The following ARHGEF18 variants were observed in gnomAD, a reference collection of about 807,000 sequenced individuals.
ARHGEF18 encodes rho guanine nucleotide exchange factor 18.
A neutral mutation model predicts 155.7 loss-of-function variants in ARHGEF18; 93 were observed. That is an observed-to-expected ratio of 0.60 (90% CI 0.50 to 0.71). The LOEUF is 0.71. Among genes scored for constraint, ARHGEF18 ranks in the 30% least tolerant of loss-of-function variants. The pLI, the probability that ARHGEF18 is intolerant of heterozygous loss-of-function variation, is 0.00. For missense variants in ARHGEF18, 1,593 were observed against 1,816.1 expected, an observed-to-expected ratio of 0.88 and a Z score of 2.23; for synonymous variants, 742 against 753.1, an observed-to-expected ratio of 0.99 and a Z score of 0.24.
chr19:7,375,853 G>T lies in ARHGEF18; in HGVS notation c.409G>T (p.Ala137Ser). ...GTGTCTCTCTGGGGGCGGGACCCCC[G>T]CAGAGAGCCCAGGCAAGGTGGGTAT... ...QGCLSGGGTP[A>S]ESPGKECDSP... Residue 137 changes from alanine (A) to serine (S), a missense_variant, in exon 4 of 29, where the codon GCA becomes TCA. Transcript: ENST00000668164. The T allele has an allele frequency of 1.6e-6, 2 of 1,234,454 alleles. No individual in the cohort carries two copies. The highest frequency in any genetic ancestry group is 4.1e-4 in the Middle Eastern group (2 of 4,842). The allele number at this position is 1,234,454 out of a possible 1,614,324, so 76.5% of individuals were successfully genotyped here.
intron 12 of ARHGEF18, 30 bp from the exon 13 acceptor site, chr19:7,441,882 C>T (rs1368981575): frequency 1.9e-6 from 3 of 1,613,580 alleles, no homozygotes; most frequent in South Asian, 1.1e-5. Context: ...GCTCTGGGCC[C>T]CCAGCAGCCA....
intron 10 of ARHGEF18, among the ~76,000 whole-genome samples, chr19:7,385,146 G>A (rs76331656): frequency 0.018 from 2,795 of 152,278 alleles, 35 homozygotes; most frequent in Non-Finnish European, 0.027. Context: ...GCAAGGGGCA[G>A]ATAGAAGGTT....
chr19:7,358,493 C>T (rs546591850), intron 1 of ARHGEF18, among the ~76,000 whole-genome samples: 1 of 152,006 alleles, frequency 6.6e-6, no homozygotes, highest in South Asian at 2.1e-4. Flanking sequence ...TCTATCCACT[C>T]ATTCATCCAT....
At chr19:7,372,001 T>C (rs1185518398) in intron 2 of ARHGEF18, among the ~76,000 whole-genome samples, 1 of 152,126 alleles carries the variant, frequency 6.6e-6, no homozygotes. Context: ...CCTTGCCTCC[T>C]GCCGGCAAAG....
At chr19:7,362,356 G>A (rs1405191373) in intron 1 of ARHGEF18, among the ~76,000 whole-genome samples, 1 of 151,766 alleles carries the variant, frequency 6.6e-6, no homozygotes, top group Non-Finnish European at 1.5e-5. Flanking sequence ...GGAGGAGGAG[G>A]AAAAACAATG....
At chr19:7,472,819 C>A (rs1236000526), downstream of ARHGEF18, 3 of 366,626 alleles carry the variant, frequency 8.2e-6, no homozygotes, top group Non-Finnish European at 1.6e-5. Context: ...CCTGCCTCAG[C>A]CTCCTGAGTA....
Position 7,467,384 on chromosome 19 carries a change from G to A in ARHGEF18, c.3180G>A (p.Gln1060=), listed in dbSNP as rs1209758006. Residue 1060 remains glutamine, a synonymous_variant, in exon 26 of 29, where the codon CAG becomes CAA. Coordinates refer to ENST00000668164, the MANE Select transcript of ARHGEF18 (RefSeq NM_001367823.1). The stretch of plus-strand genomic sequence containing the variant: ...AGCGCGCGGCCCTGGAGAAGCTGCA[G>A]AGCCAGCTGCGGCACGAGCAGCAGC... ...REERAALEKL[Q]SQLRHEQQRW... 2.5e-5 allele frequency: 38 copies of A among 1,533,516 alleles called. No individual in the cohort carries two copies. The highest frequency in any genetic ancestry group is 3.1e-5 in the Non-Finnish European group (36 of 1,145,728). 95.0% of individuals were successfully genotyped at this position (1,533,516 alleles called of 1,614,324 possible). A position where few individuals can be genotyped will look rare whatever the true frequency, so the allele number is the denominator to read the frequency against.
In ARHGEF18 at chr19:7,467,496, C is replaced by G; in HGVS notation, c.3292C>G (p.Leu1098Val). Residue 1098 changes from leucine to valine, a missense_variant, in exon 26 of 29, where the codon CTA becomes GTA. Transcript: ENST00000668164. Reference sequence around the variant, plus strand: ...GGAGCGCGAGGGCGAGGCGCGGCAGCTACGCGAGCGGCTGGAGCAGGAGCG... The same window carrying G: ...GGAGCGCGAGGGCGAGGCGCGGCAGGTACGCGAGCGGCTGGAGCAGGAGCG... ...LQEREGEARQLRERLEQERAE... is the reference protein window; with the variant it reads ...LQEREGEARQVRERLEQERAE... The G allele has an allele frequency of 7.0e-7, 1 of 1,435,720 alleles. No homozygotes were observed. Among genetic ancestry groups the G allele is most frequent in the Non-Finnish European group, 9.0e-7 (1 of 1,106,668 alleles). The allele number at this position is 1,435,720 out of a possible 1,614,324, so 88.9% of individuals were successfully genotyped here.
chr19:7,350,651 C>A (rs905920560), intron 1 of ARHGEF18, among the ~76,000 whole-genome samples: 4 of 152,190 alleles, frequency 2.6e-5, no homozygotes, highest in African/African-American at 7.2e-5. Flanking sequence ...CTGTGTTGGA[C>A]AGCTGGGCGT....
At chr19:7,375,647 C>T (rs1340642919) in intron 3 of ARHGEF18, 73 bp from the exon 4 acceptor site, 4 of 1,227,746 alleles carry the variant, frequency 3.3e-6, no homozygotes, top group Non-Finnish European at 4.1e-6. Context: ...CTTTCAAGCC[C>T]CCCTGGATGC....
At position 7,375,934 on chromosome 19, in the gene ARHGEF18, A is replaced by G. The variant is rs1970440700; in HGVS notation, c.426+64A>G. 4.1e-6 allele frequency: 5 copies of G among 1,232,258 alleles called. No individual in the cohort carries two copies. The African/African-American group carries it at 6.2e-5, about 15-fold the overall frequency. The allele number at this position is 1,232,258 out of a possible 1,614,324, so 76.3% of individuals were successfully genotyped here. A position where few individuals can be genotyped will look rare whatever the true frequency, so the allele number is the denominator to read the frequency against. The stretch of plus-strand genomic sequence containing the variant: ...TTTTGGGTTTAGAAAGCAGTGCTAT[A>G]GGTAGGAAGGAGAGACTTGCCAGGG... On this transcript the variant is annotated intron_variant, in intron 4 of 28. Coordinates refer to ENST00000668164, the MANE Select transcript of ARHGEF18 (RefSeq NM_001367823.1).
intron 2 of ARHGEF18, among the ~76,000 whole-genome samples, chr19:7,363,345 G>A (rs938123775): frequency 1.3e-5 from 2 of 151,868 alleles, no homozygotes; most frequent in South Asian, 2.1e-4. Context: ...ATGGATGATG[G>A]GTGAATAAAA....
At chr19:7,353,741 T>C (rs1368166825) in intron 1 of ARHGEF18, among the ~76,000 whole-genome samples, 3 of 151,464 alleles carry the variant, frequency 2.0e-5, no homozygotes, top group Admixed American at 6.6e-5. Flanking sequence ...TCACCTGAGG[T>C]TAGGAGTTCA....
chr19:7,368,002 G>GAGA (rs1970012342), intron 2 of ARHGEF18, among the ~76,000 whole-genome samples: 353 of 32,356 alleles, frequency 0.011, 17 homozygotes, highest in African/African-American at 0.034. Context: ...AGAGAGAGAG[G>GAGA]GAGGGAGGGA....
chr19:7,403,776 A>T (rs993488348), intron 10 of ARHGEF18, among the ~76,000 whole-genome samples: 7 of 151,794 alleles, frequency 4.6e-5, no homozygotes, highest in African/African-American at 1.7e-4. Context: ...GGCTCAAGAG[A>T]TCCTCCTGCT....
At chr19:7,377,758 G>A (rs7252761) in intron 5 of ARHGEF18, among the ~76,000 whole-genome samples, 57,525 of 147,040 alleles carry the variant, frequency 0.39, 13,570 homozygotes, top group African/African-American at 0.67. Context: ...ACTGCGCTCC[G>A]CTCTGGGTGA....
At chr19:7,384,711 C>G (rs1420610040) in intron 10 of ARHGEF18, among the ~76,000 whole-genome samples, 3 of 125,480 alleles carry the variant, frequency 2.4e-5, no homozygotes, top group African/African-American at 9.9e-5. Context: ...TTTTTTTTTG[C>G]GACAGGGTCT....
At chr19:7,381,037 C>A in intron 8 of ARHGEF18, 43 bp downstream of exon 8, 1 of 1,220,740 alleles carries the variant, frequency 8.2e-7, no homozygotes, top group Non-Finnish European at 1.0e-6. Context: ...GCCTTGGATT[C>A]GAACAAGTGT....
At chr19:7,436,388 T>C (rs1974255545) in intron 10 of ARHGEF18, among the ~76,000 whole-genome samples, 1 of 152,114 alleles carries the variant, frequency 6.6e-6, no homozygotes, top group Admixed American at 6.6e-5. Context: ...GCAATTCTCC[T>C]GCCTCAGCCT....
Sources: gnomAD v4.1 joint callset for allele counts (sites outside exome capture counted in the v4.1 genomes callset) on GRCh38, gnomAD v4.1.1 for gene constraint, MANE v1.5 for transcripts, NCBI Gene and HGNC (gene_info 2026-07-23, HGNC 2026-07-21) for gene names.